MAP3K10: variants seen among roughly 807,000 people sequenced by gnomAD.
The protein encoded by MAP3K10 is mitogen-activated protein kinase kinase kinase 10.
In MAP3K10, 22 loss-of-function variants were observed where a neutral mutation model predicts 75.0. The ratio of observed to expected loss-of-function variants is 0.29; its 90% confidence interval spans 0.21 to 0.42. MAP3K10 has a LOEUF of 0.42. Ranked by LOEUF, MAP3K10 falls within the 10% of genes least tolerant of loss-of-function variation. The pLI, the probability that MAP3K10 is intolerant of heterozygous loss-of-function variation, is 1.00. For missense variants in MAP3K10, 1,165 were observed against 1,379.8 expected (o/e 0.84, Z 2.47); for synonymous variants, 599 against 612.9 (o/e 0.98, Z 0.34).
At position 40,204,651 on chromosome 19, in the gene MAP3K10, G is replaced by A. The variant is rs1413276080; in HGVS notation, c.1012+18G>A. On this transcript the variant is annotated intron_variant, in intron 3 of 9. Coordinates refer to ENST00000253055, the MANE Select transcript of MAP3K10 (RefSeq NM_002446.4). This position sits in a 1 kb window ranked among gnomAD's most constrained non-coding sequence, Gnocchi z 4.3. ...CCTGGAGGGTGAGCCGGGGCCCCGTGACGAGGGTAGGCTCAGCTTGGAGTG... is the reference window on the plus strand; with the variant it reads ...CCTGGAGGGTGAGCCGGGGCCCCGTAACGAGGGTAGGCTCAGCTTGGAGTG... The A allele has an allele frequency of 1.2e-6, 2 of 1,608,616 alleles. No individual in the cohort carries two copies. Among genetic ancestry groups the A allele is most frequent in the East Asian group, 2.2e-5 (1 of 44,754 alleles).
At chr19:40,206,874 A>T (rs148857398) in intron 5 of MAP3K10, among the ~76,000 whole-genome samples, 4,680 of 152,240 alleles carry the variant, frequency 0.031, 108 homozygotes, top group Middle Eastern at 0.054. Flanking sequence ...TGCGTAGATC[A>T]CTTGAGGCTA....
chr19:40,199,360 G>C (rs1467430454), intron 2 of MAP3K10, among the ~76,000 whole-genome samples: 1 of 152,170 alleles, frequency 6.6e-6, no homozygotes, highest in Non-Finnish European at 1.5e-5. Flanking sequence ...CCAGAAAAAA[G>C]TGTTAGTACA....
chr19:40,204,597 T>A lies in MAP3K10; in HGVS notation c.976T>A (p.Ser326Thr). 1 of 1,613,060 alleles carries A rather than the reference T, an allele frequency of 6.2e-7. No individual in the cohort carries two copies. Among genetic ancestry groups the A allele is most frequent in the South Asian group, 1.1e-5 (1 of 90,918 alleles). Reference sequence around the variant, plus strand: ...GAATAAGCTGACGCTGCCCATTCCCTCCACGTGCCCCGAGCCCTTTGCCCG... The same window carrying A: ...GAATAAGCTGACGCTGCCCATTCCCACCACGTGCCCCGAGCCCTTTGCCCG... ...AMNKLTLPIP[S>T]TCPEPFARLL... is the part of the protein sequence containing the mutation. Residue 326 changes from serine to threonine, a missense_variant, in exon 3 of 10, where the codon TCC becomes ACC. Ser to Thr is a moderately conservative substitution (Grantham distance 58). Around this residue, in one of 2 missense-constraint regions of MAP3K10, gnomAD observed 575 missense variants for 793.2 expected, o/e 0.72. Transcript: ENST00000253055. The surrounding 1 kb of genome is among the most constrained non-coding windows in gnomAD (Gnocchi z 4.3).
chr19:40,213,006 G>A lies in MAP3K10; in HGVS notation c.1724+30G>A. 1.3e-6 allele frequency: 2 copies of A among 1,591,648 alleles called. No individual in the cohort carries two copies. Among genetic ancestry groups the A allele is most frequent in the Middle Eastern group, 1.7e-4 (1 of 5,948 alleles). On this transcript the variant is annotated intron_variant, in intron 7 of 9. Transcript: ENST00000253055. The surrounding 1 kb of genome is among the most constrained non-coding windows in gnomAD (Gnocchi z 5.7). Reference sequence around the variant, plus strand: ...GGTGTGGTGTGGTCATGCCCACCCTGTGCCCAAGCCCCAGCTCCCAGGCTC... The same window carrying A: ...GGTGTGGTGTGGTCATGCCCACCCTATGCCCAAGCCCCAGCTCCCAGGCTC...
At chr19:40,195,259 A>G (rs1295924144) in intron 1 of MAP3K10, among the ~76,000 whole-genome samples, 2 of 152,152 alleles carry the variant, frequency 1.3e-5, no homozygotes, top group African/African-American at 4.8e-5. Flanking sequence ...ACATGATTAC[A>G]TAAAGATTTT....
rs960864846 is a variant in MAP3K10, at chr19:40,204,721, T to C, written c.1012+88T>C. 2 of 1,460,124 alleles carry C rather than the reference T, an allele frequency of 1.4e-6. No individual in the cohort carries two copies. The highest frequency in any genetic ancestry group is 9.3e-7 in the Non-Finnish European group (1 of 1,078,652). The allele number at this position is 1,460,124 out of a possible 1,614,324, so 90.4% of individuals were successfully genotyped here. A position where few individuals can be genotyped will look rare whatever the true frequency, so the allele number is the denominator to read the frequency against. ...GACCTTTCCCCTTCACACCTATCCA[T>C]ACCAGTGGGCCCAGGAGTGAGGAAG... On this transcript the variant is annotated intron_variant, in intron 3 of 9. Coordinates refer to ENST00000253055, the MANE Select transcript of MAP3K10 (RefSeq NM_002446.4). The surrounding 1 kb of genome is among the most constrained non-coding windows in gnomAD (Gnocchi z 4.3).
At chr19:40,193,308 T>G (rs919398204) in intron 1 of MAP3K10, among the ~76,000 whole-genome samples, 28 of 152,230 alleles carry the variant, frequency 1.8e-4, no homozygotes, top group Admixed American at 5.9e-4. Flanking sequence ...TGAGAACCAT[T>G]TCCTGGAGTC....
Position 40,213,754 on chromosome 19 carries a change from C to G in MAP3K10, c.2075C>G (p.Ala692Gly). ...GCTGTGGGCCTGGGCGCCGACGTGGCCGAGGCGCGCGCGGCCGACGGTGAG... is the reference window on the plus strand; with the variant it reads ...GCTGTGGGCCTGGGCGCCGACGTGGGCGAGGCGCGCGCGGCCGACGGTGAG... ...LGAVGLGADV[A>G]EARAADGEEQ... is the part of the protein sequence containing the mutation. The change falls in exon 9 of 10, where the codon GCC (alanine) becomes GGC (glycine). Residue 692 changes from alanine to glycine, a missense_variant. Around this residue, in one of 2 missense-constraint regions of MAP3K10, gnomAD observed 590 missense variants for 586.6 expected, o/e 1.01. Coordinates refer to ENST00000253055, the MANE Select transcript of MAP3K10 (RefSeq NM_002446.4). This position sits in a 1 kb window ranked among gnomAD's most constrained non-coding sequence, Gnocchi z 5.7. 1 of 1,103,306 alleles carries G rather than the reference C, an allele frequency of 9.1e-7. No homozygotes were observed. Among genetic ancestry groups the G allele is most frequent in the Non-Finnish European group, 1.1e-6 (1 of 904,032 alleles). The allele number at this position is 1,103,306 out of a possible 1,614,324, so 68.3% of individuals were successfully genotyped here. A position where few individuals can be genotyped will look rare whatever the true frequency, so the allele number is the denominator to read the frequency against.
At position 40,213,000 on chromosome 19, in the gene MAP3K10, C is replaced by G. The variant is rs372897510; in HGVS notation, c.1724+24C>G. The G allele has an allele frequency of 7.5e-5, 120 of 1,591,778 alleles. No homozygotes were observed. Among genetic ancestry groups the G allele is most frequent in the Non-Finnish European group, 1.0e-4 (118 of 1,167,726 alleles). On this transcript the variant is annotated intron_variant, in intron 7 of 9. Coordinates refer to ENST00000253055, the MANE Select transcript of MAP3K10 (RefSeq NM_002446.4). The surrounding 1 kb of genome is among the most constrained non-coding windows in gnomAD (Gnocchi z 4.2). ...AGGTGAGGTGTGGTGTGGTCATGCC[C>G]ACCCTGTGCCCAAGCCCCAGCTCCC...
chr19:40,208,345 C>CTTTCTTTTTT (rs1555756622), intron 5 of MAP3K10, among the ~76,000 whole-genome samples: 15 of 55,906 alleles, frequency 2.7e-4, no homozygotes, highest in Non-Finnish European at 3.7e-4. Context: ...CTCTTTCTTT[C>CTTTCTTTTTT]TTTTTTTTTT....
intron 2 of MAP3K10, among the ~76,000 whole-genome samples, chr19:40,203,921 A>G (rs1447514732): frequency 6.6e-6 from 1 of 152,144 alleles, no homozygotes; most frequent in African/African-American, 2.4e-5. Flanking sequence ...CCACAAAGGG[A>G]ACAGCATGTG....
At chr19:40,210,334 G>A (rs1599914175) in intron 6 of MAP3K10, among the ~76,000 whole-genome samples, 1 of 152,142 alleles carries the variant, frequency 6.6e-6, no homozygotes, top group Non-Finnish European at 1.5e-5. Flanking sequence ...CGATTATGGA[G>A]GCTGGGAAGT....
intron 2 of MAP3K10, among the ~76,000 whole-genome samples, chr19:40,203,373 G>T (rs1430832723): frequency 6.6e-6 from 1 of 152,164 alleles, no homozygotes; most frequent in Non-Finnish European, 1.5e-5. Flanking sequence ...TGCATGAGTG[G>T]ATAGTGGGGA....
rs370034354 is a variant in MAP3K10 at position 40,192,091 on chromosome 19, C to G, written c.60C>G (p.Val20=). Reference sequence around the variant, plus strand: ...GGGGCACGACCCCCGCGGGGCCCGTCTGGACCGCGGTGTTCGACTACGAGG... The same window carrying G: ...GGGGCACGACCCCCGCGGGGCCCGTGTGGACCGCGGTGTTCGACTACGAGG... ...KEWGTTPAGP[V]WTAVFDYEAA... The change falls in exon 1 of 10, where the codon GTC becomes GTG. Residue 20 remains valine (V), a synonymous_variant. Coordinates refer to ENST00000253055, the MANE Select transcript of MAP3K10 (RefSeq NM_002446.4). The surrounding 1 kb of genome is among the most constrained non-coding windows in gnomAD (Gnocchi z 7.1). 4.5e-6 allele frequency: 7 copies of G among 1,539,260 alleles called. No individual in the cohort carries two copies. In the African/African-American group the frequency reaches 8.2e-5, roughly 18 times the overall value.
intron 1 of MAP3K10, among the ~76,000 whole-genome samples, chr19:40,197,667 G>A (rs1972933058): frequency 6.6e-6 from 1 of 152,040 alleles, no homozygotes; most frequent in Non-Finnish European, 1.5e-5. Context: ...AAGTCTCATG[G>A]CAGAGTGTGG....
In MAP3K10 at chr19:40,205,318, G is replaced by T; in HGVS notation, c.1188+22G>T. 6.2e-7 allele frequency: 1 copy of T among 1,612,984 alleles called. No individual in the cohort carries two copies. The highest frequency in any genetic ancestry group is 8.5e-7 in the Non-Finnish European group (1 of 1,179,454). On this transcript the variant is annotated intron_variant, in intron 4 of 9. Transcript: ENST00000253055. The surrounding 1 kb of genome is among the most constrained non-coding windows in gnomAD (Gnocchi z 4.3). Reference sequence around the variant, plus strand: ...GAAGGTGAAGGCAGGGGGCAAGGTGGGAAAGATGGAGCAAGACCCCTGAGT... The same window carrying T: ...GAAGGTGAAGGCAGGGGGCAAGGTGTGAAAGATGGAGCAAGACCCCTGAGT...
intron 5 of MAP3K10, 44 bp downstream of exon 5, chr19:40,206,201 G>T (rs1220760340): frequency 7.8e-6 from 12 of 1,541,726 alleles, no homozygotes; most frequent in Non-Finnish European, 1.0e-5. Flanking sequence ...AGGCTGCTGG[G>T]AGCAGCCCCG....
chr19:40,213,816 CG>C lies in MAP3K10; in HGVS notation c.2138del (p.Arg713ProfsTer109). On this transcript the variant is annotated frameshift_variant, in exon 9 of 10. Coordinates refer to ENST00000253055, the MANE Select transcript of MAP3K10 (RefSeq NM_002446.4). LOFTEE classifies it high-confidence loss of function. This position sits in a 1 kb window ranked among gnomAD's most constrained non-coding sequence, Gnocchi z 5.7. Reference sequence around the variant, plus strand: ...CTGGCTCGACGGCCTCTTCTTTCCCCGCGCCGGCCGCTTCCCGCGGGGCCTC... The same window carrying C: ...CTGGCTCGACGGCCTCTTCTTTCCCCCGCCGGCCGCTTCCCGCGGGGCCTC... ...RRWLDGLFFP[R>X]AGRFPRGLSP... The C allele has an allele frequency of 7.7e-7, 1 of 1,294,770 alleles. No homozygotes were observed. Among genetic ancestry groups the C allele is most frequent in the Non-Finnish European group, 9.8e-7 (1 of 1,018,316 alleles). The allele number at this position is 1,294,770 out of a possible 1,614,324, so 80.2% of individuals were successfully genotyped here. A position where few individuals can be genotyped will look rare whatever the true frequency, so the allele number is the denominator to read the frequency against.
At chr19:40,211,682 C>T (rs991653512) in intron 6 of MAP3K10, among the ~76,000 whole-genome samples, 1 of 152,084 alleles carries the variant, frequency 6.6e-6, no homozygotes, top group African/African-American at 2.4e-5. Context: ...CCAGCTCCAT[C>T]CATGTCCCTG....
Sources: gnomAD v4.1 joint callset for allele counts (sites outside exome capture counted in the v4.1 genomes callset) on GRCh38, gnomAD v4.1.1 for gene constraint, gnomAD v4.1.1 regional missense constraint, Gnocchi (gnomAD v3.1) non-coding constraint, MANE v1.5 for transcripts, NCBI Gene and HGNC (gene_info 2026-07-23, HGNC 2026-07-21) for gene names.